CA12: variants seen among roughly 807,000 people sequenced by gnomAD.
CA12 encodes the protein carbonic anhydrase 12, also known as carbonate dehydratase XII.
Under a neutral mutation model 46.8 loss-of-function variants are expected in CA12, and 36 were observed. That is an observed-to-expected ratio of 0.77 (90% CI 0.59 to 1.02). CA12 has a LOEUF of 1.02. Among genes scored for constraint, CA12 ranks in the 50% least tolerant of loss-of-function variants. CA12 has a pLI of 0.00. For missense variants in CA12, 436 were observed against 451.4 expected (o/e 0.97, Z 0.31); for synonymous variants, 202 against 187.0 (o/e 1.08, Z -0.65).
At position 63,328,169 on chromosome 15, in the gene CA12, T is replaced by G. The variant is rs139132000; in HGVS notation, c.875-39A>C. The G allele has an allele frequency of 6.3e-7, 1 of 1,592,476 alleles. No individual in the cohort carries two copies. Among genetic ancestry groups the G allele is most frequent in the East Asian group, 2.2e-5 (1 of 44,764 alleles). On this transcript the variant is annotated intron_variant, in intron 8 of 10. Transcript: ENST00000178638. The surrounding 1 kb of genome is among the most constrained non-coding windows in gnomAD (Gnocchi z 5.9). The stretch of plus-strand genomic sequence containing the variant: ...AGGAAAAGACGAGGTTACTCTAGAG[T>G]CAAACCACACTGGATTTGAGCAGCG...
chr15:63,334,956 C>T (rs889729568), intron 8 of CA12, among the ~76,000 whole-genome samples: 8 of 152,116 alleles, frequency 5.3e-5, no homozygotes, highest in African/African-American at 1.9e-4. Flanking sequence ...ATGTTCATGC[C>T]ATAAAACAAT....
At chr15:63,337,646 G>A (rs747269900) in intron 8 of CA12, among the ~76,000 whole-genome samples, 2 of 152,110 alleles carry the variant, frequency 1.3e-5, no homozygotes, top group African/African-American at 2.4e-5. Flanking sequence ...TAGTAGAGAC[G>A]TGGTTTCACC....
chr15:63,381,015 G>C (rs916732150), intron 1 of CA12, among the ~76,000 whole-genome samples: 254 of 120,196 alleles, frequency 2.1e-3, no homozygotes, highest in African/African-American at 6.6e-3. Context: ...AATATGCTGT[G>C]TGTGTGTGTG....
chr15:63,358,580 C>A (rs139699675), intron 2 of CA12, among the ~76,000 whole-genome samples: 4 of 152,318 alleles, frequency 2.6e-5, no homozygotes, highest in African/African-American at 9.6e-5. Context: ...TCCCAGCACT[C>A]ATCTTTGTGA....
intron 4 of CA12, among the ~76,000 whole-genome samples, chr15:63,343,035 C>T (rs976108889): frequency 7.9e-5 from 12 of 152,254 alleles, no homozygotes; most frequent in Middle Eastern, 3.4e-3. Context: ...TCCTACTTCA[C>T]CATCTTCCCC....
chr15:63,342,108 G>A lies in CA12; in HGVS notation c.430-11C>T, dbSNP rs1388416681. On this transcript the variant is annotated splice_polypyrimidine_tract_variant and intron_variant, in intron 4 of 10. Transcript: ENST00000178638. ...ATGGACAATGTGCAGCTGCAGTGGG[G>A]GAGAAGCCACCCATTAGGAGATAAG... 6.3e-7 allele frequency: 1 copy of A among 1,589,404 alleles called. No individual in the cohort carries two copies. The highest frequency in any genetic ancestry group is 8.6e-7 in the Non-Finnish European group (1 of 1,157,882).
At chr15:63,357,371 T>C (rs528724006) in intron 2 of CA12, among the ~76,000 whole-genome samples, 1 of 152,324 alleles carries the variant, frequency 6.6e-6, no homozygotes, top group African/African-American at 2.4e-5. Flanking sequence ...GAACCACATT[T>C]GGAGAATCCC....
chr15:63,347,997 GC>G (rs2152618956), intron 2 of CA12, among the ~76,000 whole-genome samples: 1 of 152,298 alleles, frequency 6.6e-6, no homozygotes, highest in East Asian at 1.9e-4. Flanking sequence ...CCTACATCGT[GC>G]TCTCTAACTA....
rs1259716155 is a variant in CA12, at chr15:63,322,441, G to A, written c.*3844C>T. 6.6e-5 allele frequency: 10 copies of A among 151,726 alleles called. No homozygotes were observed. The highest frequency in any genetic ancestry group is 1.5e-5 in the Non-Finnish European group (1 of 67,968). 9.4% of individuals were successfully genotyped at this position (151,726 alleles called of 1,614,324 possible). On this transcript the variant is annotated 3_prime_UTR_variant, in exon 11 of 11. Coordinates refer to ENST00000178638, the MANE Select transcript of CA12 (RefSeq NM_001218.5). The surrounding 1 kb of genome is among the most constrained non-coding windows in gnomAD (Gnocchi z 4.1). ...CTTTTTCTAGTGTGGCTACCGGAAA[G>A]TTTAAATTTCATACGTGTCTCATGT... is the stretch of plus-strand genomic sequence containing the variant.
chr15:63,330,776 G>A lies in CA12; in HGVS notation c.875-2646C>T, dbSNP rs1011039132. ...CCGGTTATTACGCGGGGTTCCTGTTGGAGGTCCTGTAAGCAACAGCATAGT... is the reference window on the plus strand; with the variant it reads ...CCGGTTATTACGCGGGGTTCCTGTTAGAGGTCCTGTAAGCAACAGCATAGT... On this transcript the variant is annotated intron_variant, in intron 8 of 10. Transcript: ENST00000178638. The surrounding 1 kb of genome is among the most constrained non-coding windows in gnomAD (Gnocchi z 4.0). Among the ~76,000 whole-genome samples the A allele has an allele frequency of 1.3e-5, 2 of 152,202 alleles. No homozygotes were observed. The highest frequency in any genetic ancestry group is 4.8e-5 in the African/African-American group (2 of 41,442).
At position 63,381,825 on chromosome 15, in the gene CA12, G is replaced by C; in HGVS notation, c.-105C>G. 1 of 694,590 alleles carries C rather than the reference G, an allele frequency of 1.4e-6. No individual in the cohort carries two copies. The highest frequency in any genetic ancestry group is 2.2e-6 in the Non-Finnish European group (1 of 458,518). 43.0% of individuals were successfully genotyped at this position (694,590 alleles called of 1,614,324 possible). On this transcript the variant is annotated 5_prime_UTR_variant, in exon 1 of 11. Transcript: ENST00000178638. ...ACCGCGTGCGCGCAGCCTGGGTGCC[G>C]TGGCGAGTACGTCCGCCCTTCGCTC...
rs752742837 is a variant in CA12 at position 63,338,853 on chromosome 15, G to A, written c.840C>T (p.Phe280=). ...AGGAGGTGTATACCAGCCTCTCATC[G>A]AACTTCTGGACCTGCCGGAAGTTGT... The part of the protein sequence containing the change: ...MINNFRQVQK[F]DERLVYTSFS... Residue 280 remains phenylalanine (F), a synonymous_variant, in exon 8 of 11, where the codon TTC becomes TTT. Coordinates refer to ENST00000178638, the MANE Select transcript of CA12 (RefSeq NM_001218.5). 5.0e-6 allele frequency: 8 copies of A among 1,613,992 alleles called. No individual in the cohort carries two copies. Among genetic ancestry groups the A allele is most frequent in the East Asian group, 2.2e-5 (1 of 44,892 alleles).
intron 2 of CA12, among the ~76,000 whole-genome samples, chr15:63,369,411 C>A (rs1347351730): frequency 6.6e-6 from 1 of 152,168 alleles, no homozygotes. Context: ...ATGTGCTAGG[C>A]CCTGTGTGAG....
rs1595797667 is a variant in CA12 at position 63,381,804 on chromosome 15, C to T, written c.-84G>A. The T allele has an allele frequency of 3.3e-6, 3 of 900,016 alleles. No homozygotes were observed. In the South Asian group the frequency reaches 6.8e-5, roughly 20 times the overall value. The allele number at this position is 900,016 out of a possible 1,614,324, so 55.8% of individuals were successfully genotyped here. On this transcript the variant is annotated 5_prime_UTR_variant, in exon 1 of 11. Coordinates refer to ENST00000178638, the MANE Select transcript of CA12 (RefSeq NM_001218.5). Reference sequence around the variant, plus strand: ...GCTCTCCAGCTGCACACCGGGACCGCGTGCGCGCAGCCTGGGTGCCGTGGC... The same window carrying T: ...GCTCTCCAGCTGCACACCGGGACCGTGTGCGCGCAGCCTGGGTGCCGTGGC...
At chr15:63,338,375 G>T (rs920281683) in intron 8 of CA12, among the ~76,000 whole-genome samples, 8 of 152,328 alleles carry the variant, frequency 5.3e-5, no homozygotes, top group African/African-American at 1.9e-4. Flanking sequence ...TGCTCATTTG[G>T]TGGTGGTGCA....
chr15:63,356,113 C>T (rs1477264462), intron 2 of CA12, among the ~76,000 whole-genome samples: 1 of 152,132 alleles, frequency 6.6e-6, no homozygotes, highest in Non-Finnish European at 1.5e-5. Context: ...AAATTGTCGG[C>T]CGGGCACGGT....
chr15:63,333,902 C>A (rs960894816), intron 8 of CA12, among the ~76,000 whole-genome samples: 28 of 152,206 alleles, frequency 1.8e-4, no homozygotes, highest in African/African-American at 6.8e-4. Context: ...CCTTTTGTCC[C>A]TCAAGTTTCC....
intron 1 of CA12, among the ~76,000 whole-genome samples, chr15:63,380,330 C>T (rs568081856): frequency 6.6e-6 from 1 of 151,948 alleles, no homozygotes; most frequent in East Asian, 1.9e-4. Context: ...GGGAAGAGAA[C>T]AGGGAAGGGC....
At chr15:63,365,977 TAA>T (rs1286538179) in intron 2 of CA12, among the ~76,000 whole-genome samples, 3 of 151,994 alleles carry the variant, frequency 2.0e-5, no homozygotes, top group Admixed American at 6.5e-5. Context: ...CCATCTCTAC[TAA>T]AAATACAAAA....
Sources: gnomAD v4.1 joint callset for allele counts (sites outside exome capture counted in the v4.1 genomes callset) on GRCh38, gnomAD v4.1.1 for gene constraint, Gnocchi (gnomAD v3.1) non-coding constraint, MANE v1.5 for transcripts, NCBI Gene and HGNC (gene_info 2026-07-23, HGNC 2026-07-21) for gene names.